Variants in ABI3BP observed in about 807,000 individuals in gnomAD.
The protein encoded by ABI3BP is ABI family member 3 binding protein.
In ABI3BP, 216 loss-of-function variants were observed where a neutral mutation model predicts 268.6. The ratio of observed to expected loss-of-function variants is 0.80; its 90% CI spans 0.72 to 0.90. The LOEUF (loss-of-function observed/expected upper bound fraction) is 0.90, where lower values mean the gene tolerates loss of function less well. Ranked by LOEUF, ABI3BP falls within the 40% of genes least tolerant of loss-of-function variation. ABI3BP has a pLI of 0.00. For missense variants in ABI3BP, 2,090 were observed against 2,182.4 expected (o/e 0.96, Z 0.84); for synonymous variants, 730 against 730.0 (o/e 1.00, Z 0.00).
At chr3:100,861,109 G>A (rs2098993576) in intron 14 of ABI3BP, among the ~76,000 whole-genome samples, 1 of 152,172 alleles carries the variant, frequency 6.6e-6, no homozygotes, top group African/African-American at 2.4e-5. Flanking sequence ...TTTAGAGTCA[G>A]TGACTAGGGA....
At position 100,834,768 on chromosome 3, in the gene ABI3BP, T is replaced by C. The variant is rs1439083383; in HGVS notation, c.2197A>G (p.Lys733Glu). ...CGTGTTCTTGTTCGTTGCGATGTTTTTGGAGCTAAAGAAAGGAAACTGGTT... is the reference window on the plus strand; with the variant it reads ...CGTGTTCTTGTTCGTTGCGATGTTTCTGGAGCTAAAGAAAGGAAACTGGTT... ...TEATVTTLAP[K>E]TSQRTRTRRP... The change falls in exon 29 of 68, where the codon AAA becomes GAA. Residue 733 changes from lysine (K) to glutamate (E), a missense_variant. Physicochemically the swap from Lys to Glu is moderately conservative, Grantham distance 56. Transcript: ENST00000471714. 1.1e-5 allele frequency: 17 copies of C among 1,535,596 alleles called. No individual in the cohort carries two copies. Among genetic ancestry groups the C allele is most frequent in the Non-Finnish European group, 1.5e-5 (17 of 1,146,492 alleles).
At chr3:100,801,539 C>A (rs1319286168) in intron 51 of ABI3BP, among the ~76,000 whole-genome samples, 1 of 151,572 alleles carries the variant, frequency 6.6e-6, no homozygotes, top group East Asian at 1.9e-4. Flanking sequence ...AAGAGGAAGG[C>A]ACTGAGTCAC....
chr3:100,960,070 A>T (rs1057194326), intron 1 of ABI3BP, among the ~76,000 whole-genome samples: 1 of 152,242 alleles, frequency 6.6e-6, no homozygotes, highest in Non-Finnish European at 1.5e-5. Flanking sequence ...GAACTATTAC[A>T]TGGGGAATTT....
Position 100,862,292 on chromosome 3 carries a change from A to C in ABI3BP, c.1285+19T>G. 6.5e-7 allele frequency: 1 copy of C among 1,542,842 alleles called. No individual in the cohort carries two copies. The highest frequency in any genetic ancestry group is 2.3e-5 in the East Asian group (1 of 43,996). ...ATTCCTTGTTATAATCGATTTTTTT[A>C]AGAAAAGGATTTAATTACCAGTTTG... On this transcript the variant is annotated intron_variant, in intron 14 of 67. Transcript: ENST00000471714.
chr3:100,779,063 C>A (rs1421635357), intron 58 of ABI3BP, among the ~76,000 whole-genome samples: 1 of 152,178 alleles, frequency 6.6e-6, no homozygotes, highest in Non-Finnish European at 1.5e-5. Context: ...ATTTCTTATA[C>A]CATTTTAGTT....
Position 100,815,938 on chromosome 3 carries a change from C to T in ABI3BP, c.3263G>A (p.Ser1088Asn). The T allele has an allele frequency of 1.3e-6, 2 of 1,528,348 alleles. No individual in the cohort carries two copies. The highest frequency in any genetic ancestry group is 2.4e-5 in the South Asian group (2 of 82,168). 94.7% of individuals were successfully genotyped at this position (1,528,348 alleles called of 1,614,324 possible). Residue 1088 changes from serine (S) to asparagine (N), a missense_variant, in exon 44 of 68, where the codon AGT becomes AAT. Coordinates refer to ENST00000471714, the MANE Select transcript of ABI3BP (RefSeq NM_001375547.2). ...SVTGFEPVVH[S>N]TDAPGTTFAL... Reference sequence around the variant, plus strand: ...AAATGTTGTTCCTGGAGCATCAGTACTATGAACAACAGGTTCAAAGCCTGT... The same window carrying T: ...AAATGTTGTTCCTGGAGCATCAGTATTATGAACAACAGGTTCAAAGCCTGT...
At chr3:100,808,085 C>T (rs749539381) in intron 50 of ABI3BP, 76 bp downstream of exon 50, 5 of 1,273,394 alleles carry the variant, frequency 3.9e-6, no homozygotes, top group Non-Finnish European at 5.6e-6. Flanking sequence ...GCTATCATAA[C>T]TATTAATGAA....
chr3:100,921,022 C>T (rs1286604915), intron 2 of ABI3BP, among the ~76,000 whole-genome samples: 3 of 152,294 alleles, frequency 2.0e-5, no homozygotes, highest in African/African-American at 7.2e-5. Flanking sequence ...GGCACTGCAT[C>T]CTTTTCCTCA....
intron 51 of ABI3BP, among the ~76,000 whole-genome samples, chr3:100,798,699 G>A (rs1578115106): frequency 6.6e-6 from 1 of 151,808 alleles, no homozygotes. Context: ...ATAGATAAAC[G>A]TAAATGAATG....
intron 11 of ABI3BP, 44 bp from the exon 12 acceptor site, chr3:100,864,120 T>C: frequency 1.5e-6 from 2 of 1,340,016 alleles, no homozygotes; most frequent in Non-Finnish European, 2.1e-6. Context: ...GGACTTGGGT[T>C]TTGATGTTGT....
In ABI3BP at chr3:100,766,912, G is replaced by A. The variant is rs9879881; in HGVS notation, c.4742-963C>T. ...GCAAGTTATATTAGGGATTTCTGCTGTTAGCACTGAGCCCAGTGGTATGAG... is the reference window on the plus strand; with the variant it reads ...GCAAGTTATATTAGGGATTTCTGCTATTAGCACTGAGCCCAGTGGTATGAG... On this transcript the variant is annotated intron_variant, in intron 62 of 67. Transcript: ENST00000471714. Among the ~76,000 whole-genome samples the A allele has an allele frequency of 8.0e-3, 1,213 of 152,292 alleles. 18 individuals carry two copies. Among genetic ancestry groups the A allele is most frequent in the African/African-American group, 0.028 (1,149 of 41,540 alleles).
chr3:100,881,925 TCAG>T (rs1236567759), intron 6 of ABI3BP, among the ~76,000 whole-genome samples: 3 of 152,202 alleles, frequency 2.0e-5, no homozygotes, highest in African/African-American at 4.8e-5. Flanking sequence ...GGCTTGCCTG[TCAG>T]CAGAACACAT....
chr3:100,904,402 G>A (rs906006308), intron 2 of ABI3BP, among the ~76,000 whole-genome samples: 1 of 152,200 alleles, frequency 6.6e-6, no homozygotes, highest in African/African-American at 2.4e-5. Flanking sequence ...GGAAACAGAA[G>A]CAATAAGCAT....
chr3:100,913,430 T>C (rs931875066), intron 2 of ABI3BP, among the ~76,000 whole-genome samples: 1 of 152,182 alleles, frequency 6.6e-6, no homozygotes, highest in Admixed American at 6.5e-5. Flanking sequence ...ACTGAAAGTC[T>C]GGACCAACTC....
At chr3:100,847,012 C>G (rs1346604549) in intron 19 of ABI3BP, among the ~76,000 whole-genome samples, 1 of 152,142 alleles carries the variant, frequency 6.6e-6, no homozygotes, top group Non-Finnish European at 1.5e-5. Context: ...CAACCAGTAG[C>G]TGATGTGCAT....
intron 28 of ABI3BP, among the ~76,000 whole-genome samples, chr3:100,835,020 A>G (rs772763474): frequency 6.6e-5 from 10 of 152,208 alleles, no homozygotes; most frequent in Non-Finnish European, 1.2e-4. Context: ...TTGCTGGTAT[A>G]GGATTTTCAA....
At chr3:100,840,791 C>G (rs779033216) in intron 22 of ABI3BP, 29 bp downstream of exon 22, 3 of 1,524,370 alleles carry the variant, frequency 2.0e-6, no homozygotes, top group Non-Finnish European at 1.8e-6. Context: ...AAAGAAGAAA[C>G]AAAGGTCACC....
chr3:100,796,559 G>C, intron 51 of ABI3BP, 91 bp from the exon 52 acceptor site: 1 of 947,224 alleles, frequency 1.1e-6, no homozygotes, highest in South Asian at 2.0e-5. Context: ...CAGAAAGCAT[G>C]AATGAAGCAA....
At chr3:100,945,760 C>A in intron 1 of ABI3BP, 1 of 365,230 alleles carries the variant, frequency 2.7e-6, no homozygotes, top group Non-Finnish European at 5.4e-6. Context: ...CCAGTTTTAG[C>A]TATGAATAGT....
Sources: allele counts gnomAD v4.1 joint callset (sites outside exome capture counted in the v4.1 genomes callset), GRCh38; gene constraint gnomAD v4.1.1; transcripts MANE v1.5; gene names NCBI Gene and HGNC (gene_info 2026-07-23, HGNC 2026-07-21).